Variants in MYL10 observed in about 807,000 individuals in gnomAD.
MYL10 encodes myosin regulatory light chain 10.
MYL10 carries 18 observed loss-of-function variants against 21.9 expected under a neutral mutation model. That is an observed-to-expected ratio of 0.82 (90% confidence interval 0.57 to 1.22). The LOEUF is 1.22. MYL10 is among the 50% of genes most tolerant of loss of function. The pLI is 0.00. For synonymous variants in MYL10, 88 were observed against 82.8 expected (o/e 1.06, Z -0.34); for missense variants, 225 against 230.4 (o/e 0.98, Z 0.15).
intron 1 of MYL10, 74 bp from the exon 2 acceptor site, chr7:101,624,338 C>T (rs1796720104): frequency 9.0e-7 from 1 of 1,110,406 alleles, no homozygotes; most frequent in Admixed American, 2.0e-5. Flanking sequence ...TCTCACCTCC[C>T]AGGGCATCAC....
At chr7:101,614,623 C>T (rs1179060870) in intron 6 of MYL10, among the ~76,000 whole-genome samples, 3 of 152,108 alleles carry the variant, frequency 2.0e-5, no homozygotes, top group African/African-American at 4.8e-5. Flanking sequence ...CTGATGCCTC[C>T]CCAGGTCCCC....
chr7:101,622,298 GC>G (rs768397017), intron 4 of MYL10, 98 bp from the exon 5 acceptor site: 19 of 893,924 alleles, frequency 2.1e-5, no homozygotes, highest in Non-Finnish European at 3.2e-5. Flanking sequence ...TGCTCCACGT[GC>G]CCCCCACTCA....
At chr7:101,627,262 G>A (rs746887447) in intron 1 of MYL10, among the ~76,000 whole-genome samples, 27 of 150,298 alleles carry the variant, frequency 1.8e-4, no homozygotes, top group South Asian at 2.1e-4. Flanking sequence ...TCGAGCCACC[G>A]CACTCCAACC....
intron 3 of MYL10, among the ~76,000 whole-genome samples, 194 bp downstream of exon 3, chr7:101,623,726 T>C (rs922397488): frequency 1.4e-5 from 2 of 147,822 alleles, no homozygotes; most frequent in East Asian, 4.1e-4. Flanking sequence ...AACCTAATCA[T>C]TTAAAAATGT....
At position 101,624,280 on chromosome 7, in the gene MYL10, C is replaced by A. The variant is rs778737582; in HGVS notation, c.79-16G>T. Reference sequence around the variant, plus strand: ...TTCTCGGTGCCTGCGAGGTAGCAGACAAGGCCTTGCAGCGGCCCCTGCCTC... The same window carrying A: ...TTCTCGGTGCCTGCGAGGTAGCAGAAAAGGCCTTGCAGCGGCCCCTGCCTC... On this transcript the variant is annotated splice_polypyrimidine_tract_variant and intron_variant, in intron 1 of 7. Transcript: ENST00000223167. 17 of 1,605,830 alleles carry A rather than the reference C, an allele frequency of 1.1e-5. No individual in the cohort carries two copies. The highest frequency in any genetic ancestry group is 1.7e-4 in the Middle Eastern group (1 of 5,844).
In MYL10 at chr7:101,613,730, A is replaced by C; in HGVS notation, c.534-20T>G. The C allele has an allele frequency of 6.2e-7, 1 of 1,613,660 alleles. No homozygotes were observed. The highest frequency in any genetic ancestry group is 8.5e-7 in the Non-Finnish European group (1 of 1,179,706). On this transcript the variant is annotated intron_variant, in intron 6 of 7. Coordinates refer to ENST00000223167, the MANE Select transcript of MYL10 (RefSeq NM_138403.5). ...TTGATGCTGTTCAAGGGAGAGACAC[A>C]GTCATGTTCAGGGAACGGGATACCC... is the stretch of plus-strand genomic sequence containing the variant.
At chr7:101,615,867 T>C (rs967806611) in intron 6 of MYL10, among the ~76,000 whole-genome samples, 1 of 151,588 alleles carries the variant, frequency 6.6e-6, no homozygotes, top group Non-Finnish European at 1.5e-5. Context: ...GCTAATTTTT[T>C]TTATTATTTT....
intron 5 of MYL10, among the ~76,000 whole-genome samples, chr7:101,621,424 A>G (rs964765151): frequency 1.3e-5 from 2 of 152,044 alleles, no homozygotes; most frequent in African/African-American, 4.8e-5. Flanking sequence ...GGGGTCGACC[A>G]CAGCATCTTT....
At position 101,623,911 on chromosome 7, in the gene MYL10, C is replaced by A; in HGVS notation, c.273+9G>T. 1 of 326,118 alleles carries A rather than the reference C, an allele frequency of 3.1e-6. No individual in the cohort carries two copies. Among genetic ancestry groups the A allele is most frequent in the Non-Finnish European group, 5.7e-6 (1 of 174,954 alleles). 20.2% of individuals were successfully genotyped at this position (326,118 alleles called of 1,614,324 possible). ...GGGCATGGTGGTGCGTGCCTGCAATCCCACCTACTTGGGAGGCTGAGGCAG... is the reference window on the plus strand; with the variant it reads ...GGGCATGGTGGTGCGTGCCTGCAATACCACCTACTTGGGAGGCTGAGGCAG... On this transcript the variant is annotated intron_variant, in intron 3 of 7. Transcript: ENST00000223167.
At chr7:101,619,926 T>A (rs1312953995) in intron 5 of MYL10, among the ~76,000 whole-genome samples, 1 of 148,834 alleles carries the variant, frequency 6.7e-6, no homozygotes, top group Non-Finnish European at 1.5e-5. Flanking sequence ...CACCAGAGCC[T>A]GCAAATGTCA....
intron 5 of MYL10, among the ~76,000 whole-genome samples, chr7:101,617,857 G>A (rs1796626889): frequency 2.0e-5 from 3 of 150,234 alleles, no homozygotes; most frequent in Non-Finnish European, 4.4e-5. Flanking sequence ...GACTGGATCA[G>A]GGCCTTCTGT....
intron 3 of MYL10, among the ~76,000 whole-genome samples, chr7:101,623,452 T>C (rs1433803439): frequency 6.6e-6 from 1 of 152,110 alleles, no homozygotes; most frequent in Non-Finnish European, 1.5e-5. Flanking sequence ...CCCAGCAATT[T>C]GGGAGGCAGA....
intron 1 of MYL10, among the ~76,000 whole-genome samples, chr7:101,626,814 G>A (rs1368170706): frequency 1.3e-5 from 2 of 152,178 alleles, no homozygotes; most frequent in Non-Finnish European, 2.9e-5. Flanking sequence ...GCTCAAATCA[G>A]GACCCACGTG....
At chr7:101,617,283 C>T (rs556662490) in intron 5 of MYL10, among the ~76,000 whole-genome samples, 15 of 152,342 alleles carry the variant, frequency 9.8e-5, no homozygotes, top group Admixed American at 3.9e-4. Context: ...AAGGTTTTAA[C>T]GAACATGGGT....
rs2130735503 is a variant in MYL10, at chr7:101,616,004, C to T, written c.533+216G>A. On this transcript the variant is annotated intron_variant, in intron 6 of 7. Transcript: ENST00000223167. ...GTGAGCCACCGCGCCCAGCCTGACC[C>T]ACCATTTCTTATCCATTTCTACTTC... is the stretch of plus-strand genomic sequence containing the variant. 1.3e-5 allele frequency among the ~76,000 whole-genome samples: 2 copies of T among 152,194 alleles called. 1 individual carries two copies. The highest frequency in any genetic ancestry group is 4.2e-4 in the South Asian group (2 of 4,818).
chr7:101,622,296 G>A (rs751506383), intron 4 of MYL10, 96 bp from the exon 5 acceptor site: 82 of 919,330 alleles, frequency 8.9e-5, no homozygotes, highest in Admixed American at 1.6e-4. Context: ...GCTGCTCCAC[G>A]TGCCCCCCAC....
At chr7:101,618,137 C>T (rs1796630575) in intron 5 of MYL10, among the ~76,000 whole-genome samples, 2 of 152,256 alleles carry the variant, frequency 1.3e-5, no homozygotes, top group South Asian at 4.1e-4. Flanking sequence ...CTGGCACACA[C>T]TGGCCTTGCT....
At chr7:101,622,800 C>T (rs1482855512) in intron 4 of MYL10, among the ~76,000 whole-genome samples, 197 bp downstream of exon 4, 1 of 152,142 alleles carries the variant, frequency 6.6e-6, no homozygotes, top group African/African-American at 2.4e-5. Flanking sequence ...GAAGTGTTTT[C>T]CCCTTCCCTG....
intron 1 of MYL10, 137 bp from the exon 2 acceptor site, chr7:101,624,401 G>A (rs1433085279): frequency 6.5e-6 from 4 of 617,426 alleles, no homozygotes; most frequent in Non-Finnish European, 8.5e-6. Flanking sequence ...AGACAGACAA[G>A]GCTACCCCTG....
Sources: allele counts gnomAD v4.1 joint callset (sites outside exome capture counted in the v4.1 genomes callset), GRCh38; gene constraint gnomAD v4.1.1; transcripts MANE v1.5; gene names NCBI Gene and HGNC (gene_info 2026-07-23, HGNC 2026-07-21).